The following BBX variants were observed in gnomAD, a reference collection of about 807,000 sequenced individuals.
BBX encodes HMG box transcription factor BBX.
BBX carries 30 observed loss-of-function variants against 100.2 expected under a neutral mutation model. The ratio of observed to expected loss-of-function variants is 0.30; its 90% CI spans 0.22 to 0.41. BBX has a LOEUF of 0.41. Ranked by LOEUF, BBX falls within the 10% of genes least tolerant of loss-of-function variation. BBX has a pLI of 1.00. For synonymous variants in BBX, 376 were observed against 388.1 expected (o/e 0.97, Z 0.37); for missense variants, 1,023 against 1,129.8 (o/e 0.91, Z 1.35).
At chr3:107,544,519 T>C (rs947226298) in intron 2 of BBX, among the ~76,000 whole-genome samples, 2 of 152,178 alleles carry the variant, frequency 1.3e-5, no homozygotes, top group African/African-American at 2.4e-5. Flanking sequence ...GTACATATTA[T>C]ATATTTATTG....
intron 3 of BBX, among the ~76,000 whole-genome samples, chr3:107,692,481 G>A (rs1383639338): frequency 1.3e-5 from 2 of 152,074 alleles, no homozygotes; most frequent in African/African-American, 2.4e-5. Context: ...TGCTAAGAAT[G>A]ATGGTTTTCA....
chr3:107,597,832 C>T (rs1190778510), intron 2 of BBX, among the ~76,000 whole-genome samples: 1 of 151,890 alleles, frequency 6.6e-6, no homozygotes, highest in African/African-American at 2.4e-5. Flanking sequence ...TGTGTCCTGC[C>T]CAGAGGTTTT....
intron 3 of BBX, among the ~76,000 whole-genome samples, chr3:107,655,985 C>T (rs1253952700): frequency 6.6e-6 from 1 of 152,088 alleles, no homozygotes; most frequent in Non-Finnish European, 1.5e-5. Flanking sequence ...CAGGCGTGAG[C>T]CACCATGTCC....
chr3:107,602,947 TTTTTGTTTTGTTTTG>T (rs148228256), intron 2 of BBX, among the ~76,000 whole-genome samples: 8 of 151,464 alleles, frequency 5.3e-5, no homozygotes, highest in South Asian at 2.1e-4. Context: ...TTCCAGTGTT[TTTTTGTTTTGTTTTG>T]TTTTGTTTTG....
chr3:107,678,900 G>T (rs1201266363), intron 3 of BBX, among the ~76,000 whole-genome samples: 1 of 152,096 alleles, frequency 6.6e-6, no homozygotes, highest in Admixed American at 6.6e-5. Flanking sequence ...CAATGAAATA[G>T]ATACTGTTAT....
At chr3:107,671,555 G>A (rs1293172259) in intron 3 of BBX, among the ~76,000 whole-genome samples, 1 of 152,046 alleles carries the variant, frequency 6.6e-6, no homozygotes, top group African/African-American at 2.4e-5. Context: ...GTATTATTTG[G>A]TGAAATTAAG....
chr3:107,580,012 G>A (rs1165212457), intron 2 of BBX, among the ~76,000 whole-genome samples: 1 of 151,448 alleles, frequency 6.6e-6, no homozygotes, highest in African/African-American at 2.4e-5. Context: ...TTTTCCCTAC[G>A]TAACTTTGGA....
intron 2 of BBX, among the ~76,000 whole-genome samples, chr3:107,591,692 T>C (rs2053326972): frequency 6.6e-6 from 1 of 152,216 alleles, no homozygotes; most frequent in East Asian, 1.9e-4. Flanking sequence ...CTTGCTTTGT[T>C]GCCTAGGCGG....
chr3:107,721,867 G>A (rs777875207), intron 5 of BBX, among the ~76,000 whole-genome samples: 2 of 152,028 alleles, frequency 1.3e-5, no homozygotes, highest in African/African-American at 4.8e-5. Context: ...GGAAATATAT[G>A]TACAAGCATT....
chr3:107,615,255 G>A (rs937708214), intron 2 of BBX, among the ~76,000 whole-genome samples: 6 of 152,172 alleles, frequency 3.9e-5, no homozygotes, highest in Non-Finnish European at 8.8e-5. Context: ...ATGAGAATAA[G>A]AATGAGTAAA....
chr3:107,665,311 A>G (rs2058678721), intron 3 of BBX, among the ~76,000 whole-genome samples: 1 of 152,218 alleles, frequency 6.6e-6, no homozygotes, highest in Non-Finnish European at 1.5e-5. Flanking sequence ...AAGTAGCTTT[A>G]TTAAACCATA....
At chr3:107,734,981 A>G (rs2063547428) in intron 7 of BBX, among the ~76,000 whole-genome samples, 1 of 152,152 alleles carries the variant, frequency 6.6e-6, no homozygotes, top group Non-Finnish European at 1.5e-5. Flanking sequence ...ATGCTAAGGA[A>G]GAAGGTGGTA....
chr3:107,658,408 C>T (rs925419383), intron 3 of BBX, among the ~76,000 whole-genome samples: 1 of 152,050 alleles, frequency 6.6e-6, no homozygotes, highest in African/African-American at 2.4e-5. Flanking sequence ...ACTCATAAGT[C>T]TTATATTTAT....
chr3:107,721,294 T>A (rs1430609645), intron 5 of BBX, among the ~76,000 whole-genome samples: 1 of 152,078 alleles, frequency 6.6e-6, no homozygotes, highest in African/African-American at 2.4e-5. Flanking sequence ...ATGTTTTGTC[T>A]ATATAGTAAT....
intron 5 of BBX, among the ~76,000 whole-genome samples, chr3:107,727,732 A>G (rs1466990179): frequency 2.0e-5 from 3 of 152,182 alleles, no homozygotes; most frequent in Non-Finnish European, 4.4e-5. Context: ...AGGAAAGTAT[A>G]TAGCAAGGAT....
chr3:107,607,591 A>C (rs2054545300), intron 2 of BBX, among the ~76,000 whole-genome samples: 1 of 152,108 alleles, frequency 6.6e-6, no homozygotes, highest in South Asian at 2.1e-4. Context: ...TGGGATTGCT[A>C]GATTATGTGG....
intron 2 of BBX, among the ~76,000 whole-genome samples, chr3:107,602,164 C>T (rs1449112943): frequency 6.6e-6 from 1 of 152,152 alleles, no homozygotes; most frequent in Non-Finnish European, 1.5e-5. Context: ...TGCTCATTGA[C>T]TATGTACCTA....
chr3:107,548,092 T>A (rs1001749793), intron 2 of BBX, among the ~76,000 whole-genome samples: 2 of 152,094 alleles, frequency 1.3e-5, no homozygotes, highest in Non-Finnish European at 2.9e-5. Flanking sequence ...GGCATCGAGG[T>A]TTGGACGTAT....
At chr3:107,583,021 C>T (rs934865223) in intron 2 of BBX, among the ~76,000 whole-genome samples, 4 of 151,398 alleles carry the variant, frequency 2.6e-5, no homozygotes, top group Non-Finnish European at 4.4e-5. Context: ...TGTCATTAGA[C>T]GCAAGGCTGT....
Sources: allele counts gnomAD v4.1 joint callset (sites outside exome capture counted in the v4.1 genomes callset), GRCh38; gene constraint gnomAD v4.1.1; transcripts MANE v1.5; gene names NCBI Gene and HGNC (gene_info 2026-07-23, HGNC 2026-07-21).